The following RGSL1 variants were observed in gnomAD, a reference collection of about 807,000 sequenced individuals.
RGSL1 encodes the protein regulator of G protein signaling protein-like.
RGSL1 carries 97 observed loss-of-function variants against 124.7 expected under a neutral mutation model. The observed-to-expected ratio is 0.78, with a 90% confidence interval of 0.66 to 0.92. RGSL1 has a LOEUF of 0.92. RGSL1 is among the 40% of genes least tolerant of loss of function. RGSL1 has a pLI of 0.00. For missense variants in RGSL1, 1,233 were observed against 1,288.4 expected (o/e 0.96, Z 0.66); for synonymous variants, 424 against 438.1 (o/e 0.97, Z 0.40).
chr1:182,460,314 C>T (rs1558230463), intron 4 of RGSL1, among the ~76,000 whole-genome samples, 181 bp downstream of exon 4: 1 of 152,138 alleles, frequency 6.6e-6, no homozygotes, highest in Non-Finnish European at 1.5e-5. Flanking sequence ...GGTACAAATA[C>T]TGGCTGAATT....
Position 182,473,783 on chromosome 1 carries a change from C to T in RGSL1, c.672C>T (p.Tyr224=). Residue 224 remains tyrosine, a synonymous_variant, in exon 6 of 22, where the codon TAC becomes TAT. Transcript: ENST00000294854. ...AGACTCGCTTATACAGCGTTTGCTA[C>T]ACCCACATAGGAGGGCTCCCTCTGA... ...EYETRLYSVC[Y]THIGGLPLNM... The T allele has an allele frequency of 6.4e-7, 1 of 1,551,570 alleles. No homozygotes were observed. The highest frequency in any genetic ancestry group is 8.7e-7 in the Non-Finnish European group (1 of 1,146,982).
intron 4 of RGSL1, 57 bp downstream of exon 4, chr1:182,460,190 A>G (rs1293584088): frequency 4.7e-6 from 7 of 1,492,710 alleles, no homozygotes; most frequent in African/African-American, 1.5e-5. Context: ...GTGTGTAGAA[A>G]TATAGGAAGT....
At chr1:182,503,974 CTTTTTTT>C (rs71124902) in intron 9 of RGSL1, among the ~76,000 whole-genome samples, 2 of 118,240 alleles carry the variant, frequency 1.7e-5, no homozygotes, top group African/African-American at 6.5e-5. Flanking sequence ...TTTGTAATTT[CTTTTTTT>C]TTTTTTTTTT....
chr1:182,544,427 G>A (rs777812219), intron 15 of RGSL1, among the ~76,000 whole-genome samples: 3 of 152,004 alleles, frequency 2.0e-5, no homozygotes, highest in Non-Finnish European at 2.9e-5. Flanking sequence ...CTGTTTTGAA[G>A]AATGTTCCAT....
intron 9 of RGSL1, among the ~76,000 whole-genome samples, chr1:182,509,271 A>G (rs1657109117): frequency 2.1e-5 from 1 of 47,348 alleles, no homozygotes. Context: ...GGCCGGGCAG[A>G]GGCGCCCCTC....
intron 9 of RGSL1, among the ~76,000 whole-genome samples, chr1:182,504,137 T>C (rs1571591153): frequency 6.6e-6 from 1 of 151,820 alleles, no homozygotes; most frequent in South Asian, 2.1e-4. Context: ...CACACCACCA[T>C]GTGCAGCTAA....
At chr1:182,497,207 T>G (rs753041059) in intron 9 of RGSL1, among the ~76,000 whole-genome samples, 5 of 150,654 alleles carry the variant, frequency 3.3e-5, no homozygotes, top group Non-Finnish European at 1.5e-5. Flanking sequence ...TTCTTTATGA[T>G]AGGAATGAAA....
At chr1:182,549,766 T>A (rs1660446876) in intron 17 of RGSL1, 1 of 152,182 alleles carries the variant, frequency 6.6e-6, no homozygotes, top group Non-Finnish European at 1.5e-5. Context: ...TTAAAATCCT[T>A]GAGATAATAA....
At chr1:182,506,633 T>C (rs1160886512) in intron 9 of RGSL1, among the ~76,000 whole-genome samples, 4 of 152,212 alleles carry the variant, frequency 2.6e-5, no homozygotes, top group African/African-American at 9.6e-5. Flanking sequence ...TTATTTCTTA[T>C]ATTTTTGTTT....
chr1:182,497,348 C>A (rs1351697979), intron 9 of RGSL1, among the ~76,000 whole-genome samples: 1 of 145,958 alleles, frequency 6.9e-6, no homozygotes, highest in Non-Finnish European at 1.5e-5. Flanking sequence ...ATTTTTATAT[C>A]TCCTGATATA....
chr1:182,473,803 C>T lies in RGSL1; in HGVS notation c.692C>T (p.Pro231Leu), dbSNP rs778192842. 2 of 1,551,728 alleles carry T rather than the reference C, an allele frequency of 1.3e-6. No individual in the cohort carries two copies. The highest frequency in any genetic ancestry group is 1.4e-5 in the African/African-American group (1 of 73,170). Residue 231 changes from proline to leucine, a missense_variant, in exon 6 of 22, where the codon CCT (proline) becomes CTT (leucine). Transcript: ENST00000294854. ...TGCTACACCCACATAGGAGGGCTCC[C>T]TCTGAACATGAGCATCAAGAAGTGC... ...SVCYTHIGGLPLNMSIKKCHH... is the reference protein window; with the variant it reads ...SVCYTHIGGLLLNMSIKKCHH...
chr1:182,501,128 T>C (rs1656322714), intron 9 of RGSL1, among the ~76,000 whole-genome samples: 1 of 152,126 alleles, frequency 6.6e-6, no homozygotes. Flanking sequence ...CCTGTGACTT[T>C]GCCTTTTATC....
intron 12 of RGSL1, 42 bp from the exon 13 acceptor site, chr1:182,530,748 A>G (rs1659113968): frequency 6.8e-7 from 1 of 1,481,292 alleles, no homozygotes; most frequent in Non-Finnish European, 9.0e-7. Flanking sequence ...TTTATGTGCC[A>G]GGTTTTTGCC....
At chr1:182,478,479 C>G (rs371370121) in intron 6 of RGSL1, among the ~76,000 whole-genome samples, 1 of 152,070 alleles carries the variant, frequency 6.6e-6, no homozygotes, top group African/African-American at 2.4e-5. Context: ...GTAATTGAAG[C>G]TGTTATCAGC....
chr1:182,460,830 G>A (rs1434095696), intron 4 of RGSL1: 3 of 420,728 alleles, frequency 7.1e-6, no homozygotes, highest in African/African-American at 4.1e-5. Context: ...GTAAATTGTA[G>A]TTGATCTCAT....
Position 182,532,641 on chromosome 1 carries a change from TACTCCTCTTTCTTTCCCCAG to T in RGSL1, c.2365-19_2365del. ...AGCAACCATACTAATGAACATGTTA[TACTCCTCTTTCTTTCCCCAG>T]AAGAAAGGCTGGATGAGAATGATCA... On this transcript the variant is annotated splice_acceptor_variant and splice_polypyrimidine_tract_variant and intron_variant, in intron 13 of 21. Coordinates refer to ENST00000294854, the MANE Select transcript of RGSL1 (RefSeq NM_001137669.2). LOFTEE classifies it high-confidence loss of function. The T allele has an allele frequency of 6.5e-7, 1 of 1,549,074 alleles. No homozygotes were observed. The highest frequency in any genetic ancestry group is 1.2e-5 in the South Asian group (1 of 83,830).
At chr1:182,557,828 C>A (rs932248247) in intron 21 of RGSL1, among the ~76,000 whole-genome samples, 18 of 152,194 alleles carry the variant, frequency 1.2e-4, no homozygotes, top group African/African-American at 4.1e-4. Flanking sequence ...ATGCTCCCTT[C>A]AAAGATCCCA....
chr1:182,550,801 C>T (rs533780987), intron 17 of RGSL1: 6 of 326,348 alleles, frequency 1.8e-5, no homozygotes, highest in Middle Eastern at 8.3e-4. Flanking sequence ...CAGGGGTTAA[C>T]CTCACCCCAG....
intron 2 of RGSL1, among the ~76,000 whole-genome samples, chr1:182,456,221 C>T (rs12122887): frequency 0.52 from 78,083 of 151,612 alleles, 20,752 homozygotes; most frequent in South Asian, 0.64. Flanking sequence ...AAAGGCCTCT[C>T]GGGGAGTGGG....
Sources: allele counts gnomAD v4.1 joint callset (sites outside exome capture counted in the v4.1 genomes callset), GRCh38; gene constraint gnomAD v4.1.1; transcripts MANE v1.5; gene names NCBI Gene and HGNC (gene_info 2026-07-23, HGNC 2026-07-21).